PTPN13: variants seen among roughly 807,000 people sequenced by gnomAD.
PTPN13 encodes tyrosine-protein phosphatase non-receptor type 13.
In PTPN13, 191 loss-of-function variants were observed where a neutral mutation model predicts 284.0. The observed-to-expected ratio is 0.67, with a 90% confidence interval of 0.60 to 0.76. The LOEUF (loss-of-function observed/expected upper bound fraction) is 0.76, where lower values mean the gene tolerates loss of function less well. Among genes scored for constraint, PTPN13 ranks in the 30% least tolerant of loss-of-function variants. The pLI is 0.00. For synonymous variants in PTPN13, 986 were observed against 1,022.3 expected (o/e 0.96, Z 0.68); for missense variants, 2,797 against 2,939.9 (o/e 0.95, Z 1.12).
At chr4:86,710,678 C>T (rs1366530687) in intron 7 of PTPN13, among the ~76,000 whole-genome samples, 1 of 152,036 alleles carries the variant, frequency 6.6e-6, no homozygotes, top group African/African-American at 2.4e-5. Context: ...ACACACTTGC[C>T]TATTGAAAAA....
At chr4:86,788,312 C>G (rs970621745) in intron 40 of PTPN13, among the ~76,000 whole-genome samples, 1 of 152,108 alleles carries the variant, frequency 6.6e-6, no homozygotes, top group Admixed American at 6.5e-5. Context: ...AGAATATTAC[C>G]TACATTTTAG....
chr4:86,613,479 G>T (rs1280727520), intron 1 of PTPN13, among the ~76,000 whole-genome samples: 4 of 151,986 alleles, frequency 2.6e-5, no homozygotes, highest in African/African-American at 9.6e-5. Flanking sequence ...CTAAAAATAC[G>T]AAAAGTTAGC....
intron 10 of PTPN13, among the ~76,000 whole-genome samples, chr4:86,727,650 G>A (rs186994968): frequency 1.8e-4 from 27 of 149,290 alleles, no homozygotes; most frequent in African/African-American, 5.6e-4. Flanking sequence ...CTGTGGGATC[G>A]ATGTTGATAT....
chr4:86,794,036 A>G (rs1423055648), intron 40 of PTPN13, among the ~76,000 whole-genome samples: 1 of 152,156 alleles, frequency 6.6e-6, no homozygotes, highest in African/African-American at 2.4e-5. Flanking sequence ...ACAAAAAACC[A>G]TTCAAAAAAT....
chr4:86,774,255 G>T, intron 32 of PTPN13, 118 bp from the exon 33 acceptor site: 4 of 1,006,878 alleles, frequency 4.0e-6, no homozygotes, highest in African/African-American at 3.3e-5. Flanking sequence ...ACTTGGACAA[G>T]TTAAGTAACC....
chr4:86,735,641 A>G lies in PTPN13; in HGVS notation c.2199A>G (p.Arg733=). Residue 733 remains arginine (R), a synonymous_variant, in exon 15 of 48, where the codon AGA becomes AGG. Transcript: ENST00000411767. ...GAATGGAGCACTATTTGCCCGCCAG[A>G]GTGATGGAGAAACTTGATTTATCCT... ...YFRMEHYLPA[R]VMEKLDLSYI... 6.2e-7 allele frequency: 1 copy of G among 1,613,664 alleles called. No homozygotes were observed. Among genetic ancestry groups the G allele is most frequent in the Non-Finnish European group, 8.5e-7 (1 of 1,179,688 alleles).
At chr4:86,708,285 G>C (rs994211760) in intron 7 of PTPN13, among the ~76,000 whole-genome samples, 3 of 152,170 alleles carry the variant, frequency 2.0e-5, no homozygotes, top group African/African-American at 7.2e-5. Flanking sequence ...GTTGAGGAAA[G>C]AGTGGCTTTA....
chr4:86,694,019 T>C (rs1730319367), intron 6 of PTPN13, among the ~76,000 whole-genome samples: 1 of 151,962 alleles, frequency 6.6e-6, no homozygotes, highest in Admixed American at 6.6e-5. Flanking sequence ...TATATGTTTA[T>C]GAACATAAAC....
intron 2 of PTPN13, among the ~76,000 whole-genome samples, chr4:86,637,608 G>A (rs1723183601): frequency 6.6e-6 from 1 of 151,486 alleles, no homozygotes; most frequent in Non-Finnish European, 1.5e-5. Flanking sequence ...AGGCAGAAAA[G>A]GCCTTTGACA....
chr4:86,796,136 A>G (rs974685787), intron 40 of PTPN13, among the ~76,000 whole-genome samples: 1 of 152,202 alleles, frequency 6.6e-6, no homozygotes, highest in Non-Finnish European at 1.5e-5. Flanking sequence ...CAGTTAAAGT[A>G]TGAGTTGACT....
intron 10 of PTPN13, 51 bp downstream of exon 10, chr4:86,722,485 C>T: frequency 2.7e-6 from 4 of 1,487,072 alleles, no homozygotes; most frequent in East Asian, 2.3e-5. Context: ...TCACAGGGAA[C>T]TCTTGGGCAA....
chr4:86,693,742 A>G (rs888695765), intron 6 of PTPN13, 68 bp downstream of exon 6: 27 of 1,150,346 alleles, frequency 2.3e-5, no homozygotes, highest in Non-Finnish European at 3.0e-5. Flanking sequence ...ACAAAATTAT[A>G]CTTACCTGGC....
chr4:86,702,022 A>G (rs1335251683), intron 7 of PTPN13, among the ~76,000 whole-genome samples: 1 of 152,170 alleles, frequency 6.6e-6, no homozygotes, highest in African/African-American at 2.4e-5. Context: ...AAAAATGCCC[A>G]GTCACGTTAT....
chr4:86,717,769 T>C (rs537987989), intron 9 of PTPN13, among the ~76,000 whole-genome samples: 2 of 152,132 alleles, frequency 1.3e-5, no homozygotes, highest in East Asian at 3.9e-4. Flanking sequence ...TCTTGAAAGG[T>C]TGGAATAGTC....
chr4:86,775,446 T>C lies in PTPN13; in HGVS notation c.5685T>C (p.Phe1895=). The change falls in exon 35 of 48, where the codon TTT becomes TTC. Residue 1895 remains phenylalanine (F), a synonymous_variant. Transcript: ENST00000411767. ...TLTCNKEELG[F]SLCGGHDSLY... ...AATATTTTCTATTATTTCAAGGTTTTTCCTTATGTGGAGGTCATGACAGCC... is the reference window on the plus strand; with the variant it reads ...AATATTTTCTATTATTTCAAGGTTTCTCCTTATGTGGAGGTCATGACAGCC... 1 of 1,603,806 alleles carries C rather than the reference T, an allele frequency of 6.2e-7. No individual in the cohort carries two copies. The highest frequency in any genetic ancestry group is 8.5e-7 in the Non-Finnish European group (1 of 1,171,002).
intron 1 of PTPN13, among the ~76,000 whole-genome samples, chr4:86,601,252 A>G (rs1764270597): frequency 6.6e-6 from 1 of 152,088 alleles, no homozygotes; most frequent in South Asian, 2.1e-4. Context: ...TAGTTTGGGA[A>G]TGTTCGGTTA....
chr4:86,811,848 C>G (rs963498301), intron 47 of PTPN13, among the ~76,000 whole-genome samples: 1 of 152,198 alleles, frequency 6.6e-6, no homozygotes, highest in Non-Finnish European at 1.5e-5. Flanking sequence ...ACTTTCCTTT[C>G]ATAAACCTTT....
At chr4:86,618,624 C>T (rs1720865237) in intron 1 of PTPN13, among the ~76,000 whole-genome samples, 1 of 152,104 alleles carries the variant, frequency 6.6e-6, no homozygotes, top group Non-Finnish European at 1.5e-5. Context: ...TTGTAGTTCT[C>T]CTTGAAGAGG....
intron 2 of PTPN13, among the ~76,000 whole-genome samples, chr4:86,645,330 G>T (rs1724297341): frequency 6.6e-6 from 1 of 152,150 alleles, no homozygotes; most frequent in Non-Finnish European, 1.5e-5. Flanking sequence ...CAGGTCAAGG[G>T]TATCTGCTCT....
Sources: gnomAD v4.1 joint callset for allele counts (sites outside exome capture counted in the v4.1 genomes callset) on GRCh38, gnomAD v4.1.1 for gene constraint, MANE v1.5 for transcripts, NCBI Gene and HGNC (gene_info 2026-07-23, HGNC 2026-07-21) for gene names.